The following WIPI2 variants were observed in gnomAD, a reference collection of about 807,000 sequenced individuals.
The protein encoded by WIPI2 is WD repeat domain, phosphoinositide interacting 2.
A neutral mutation model predicts 52.3 loss-of-function variants in WIPI2; 28 were observed. That is an observed-to-expected ratio of 0.54 (90% CI 0.40 to 0.73). The LOEUF is 0.73. Ranked by LOEUF, WIPI2 falls within the 30% of genes least tolerant of loss-of-function variation. WIPI2 has a pLI of 0.00. For missense variants in WIPI2, 506 were observed against 602.9 expected, an observed-to-expected ratio of 0.84 and a Z score of 1.68; for synonymous variants, 268 against 245.0, an observed-to-expected ratio of 1.09 and a Z score of -0.88.
chr7:5,226,063 A>T (rs181583478), intron 9 of WIPI2, 133 bp downstream of exon 9: 59 of 868,134 alleles, frequency 6.8e-5, no homozygotes, highest in Non-Finnish European at 9.6e-5. Flanking sequence ...GGAGCTGGCC[A>T]TGGAGCGAGC....
chr7:5,203,624 C>CATT (rs1562389195), intron 3 of WIPI2, among the ~76,000 whole-genome samples: 10 of 130,910 alleles, frequency 7.6e-5, no homozygotes, highest in African/African-American at 3.0e-4. Context: ...TTACGTTCAG[C>CATT]CTTTTTTTTT....
rs1783799105 is a variant in WIPI2 at position 5,232,970 on chromosome 7, A to G, written c.*2023A>G. On this transcript the variant is annotated 3_prime_UTR_variant, in exon 13 of 13. Coordinates refer to ENST00000288828, the MANE Select transcript of WIPI2 (RefSeq NM_015610.4). ...TCCTCGCTCAGCCTCGGCTTCCCGC[A>G]CTGTAAGATGAGGCAGTTGCAGAGG... 1 of 152,230 alleles carries G rather than the reference A, an allele frequency of 6.6e-6. No homozygotes were observed. The highest frequency in any genetic ancestry group is 2.1e-4 in the South Asian group (1 of 4,834). The allele number at this position is 152,230 out of a possible 1,614,324, so 9.4% of individuals were successfully genotyped here.
intron 1 of WIPI2, chr7:5,190,786 G>A (rs913044706): frequency 2.9e-5 from 8 of 279,924 alleles, no homozygotes; most frequent in East Asian, 1.2e-4. Context: ...ACTACTTCTC[G>A]CAAAGTTGGG....
intron 3 of WIPI2, among the ~76,000 whole-genome samples, chr7:5,207,116 T>A (rs1288870705): frequency 1.3e-5 from 2 of 152,198 alleles, no homozygotes; most frequent in Non-Finnish European, 2.9e-5. Context: ...ACGGCAGGCA[T>A]CAGTACATTT....
intron 3 of WIPI2, chr7:5,214,244 C>T (rs1782700541): frequency 1.9e-5 from 26 of 1,350,254 alleles, no homozygotes; most frequent in Non-Finnish European, 2.5e-5. Context: ...AGTTTGGTTC[C>T]TAAACTCACC....
chr7:5,227,074 G>A lies in WIPI2; in HGVS notation c.849-106G>A, dbSNP rs1046572658. 1.2e-5 allele frequency: 18 copies of A among 1,453,182 alleles called. No homozygotes were observed. The East Asian group carries it at 3.9e-4, about 31-fold the overall frequency. 90.0% of individuals were successfully genotyped at this position (1,453,182 alleles called of 1,614,324 possible). A position where few individuals can be genotyped will look rare whatever the true frequency, so the allele number is the denominator to read the frequency against. On this transcript the variant is annotated intron_variant, in intron 9 of 12. Coordinates refer to ENST00000288828, the MANE Select transcript of WIPI2 (RefSeq NM_015610.4). This position sits in a 1 kb window ranked among gnomAD's most constrained non-coding sequence, Gnocchi z 8.1. ...CCTGTTTAATTTTCCTGTGAAGAAT[G>A]GAGACTTTTGCTGTCGGCTCCAGAG...
At chr7:5,219,308 C>T (rs553973650) in intron 7 of WIPI2, among the ~76,000 whole-genome samples, 4 of 152,334 alleles carry the variant, frequency 2.6e-5, no homozygotes, top group Non-Finnish European at 5.9e-5. Flanking sequence ...ATCCCAATAG[C>T]ACCTTGTCCT....
intron 2 of WIPI2, 159 bp downstream of exon 2, chr7:5,193,330 C>G: frequency 6.9e-7 from 1 of 1,444,732 alleles, no homozygotes; most frequent in Non-Finnish European, 9.1e-7. Context: ...CCAGTGGATA[C>G]CACAGCTTGT....
At chr7:5,225,113 T>C (rs1206827256) in intron 8 of WIPI2, among the ~76,000 whole-genome samples, 2 of 152,072 alleles carry the variant, frequency 1.3e-5, no homozygotes, top group East Asian at 3.9e-4. Flanking sequence ...GGAGCCACTT[T>C]CCCTGTTGAA....
rs1336667949 is a variant in WIPI2, at chr7:5,231,080, T to A, written c.*133T>A. 3.4e-6 allele frequency: 2 copies of A among 586,344 alleles called. No homozygotes were observed. The highest frequency in any genetic ancestry group is 3.3e-5 in the East Asian group (1 of 30,704). 36.3% of individuals were successfully genotyped at this position (586,344 alleles called of 1,614,324 possible). Reference sequence around the variant, plus strand: ...AGACTTTATTAAAAAAAAAAAAAGATTGTAGTGGTAGTCTAACTCCATAAC... The same window carrying A: ...AGACTTTATTAAAAAAAAAAAAAGAATGTAGTGGTAGTCTAACTCCATAAC... On this transcript the variant is annotated 3_prime_UTR_variant, in exon 13 of 13. Coordinates refer to ENST00000288828, the MANE Select transcript of WIPI2 (RefSeq NM_015610.4).
At chr7:5,222,007 T>C (rs889860181) in intron 7 of WIPI2, among the ~76,000 whole-genome samples, 2 of 148,184 alleles carry the variant, frequency 1.3e-5, no homozygotes, top group Non-Finnish European at 3.0e-5. Context: ...TGGAGTGCAG[T>C]GGTGCAGTCT....
chr7:5,214,501 A>C (rs775925629), intron 3 of WIPI2, 34 bp from the exon 4 acceptor site: 2 of 1,614,128 alleles, frequency 1.2e-6, no homozygotes, highest in Admixed American at 3.3e-5. Flanking sequence ...CCATGTGGAG[A>C]TGTTCACGCA....
At chr7:5,206,402 G>C (rs920916473) in intron 3 of WIPI2, among the ~76,000 whole-genome samples, 2 of 152,202 alleles carry the variant, frequency 1.3e-5, no homozygotes, top group African/African-American at 4.8e-5. Flanking sequence ...GTTGGATTAG[G>C]TGTTGAGTAT....
chr7:5,196,968 C>T (rs1401577319), intron 2 of WIPI2, among the ~76,000 whole-genome samples: 5 of 151,610 alleles, frequency 3.3e-5, no homozygotes, highest in African/African-American at 9.7e-5. Flanking sequence ...AAAAATTAGC[C>T]GGGCGTGGTG....
At position 5,203,286 on chromosome 7, in the gene WIPI2, G is replaced by A. The variant is rs983510422; in HGVS notation, c.211+3628G>A. Among the ~76,000 whole-genome samples the A allele has an allele frequency of 9.9e-5, 15 of 152,274 alleles. No homozygotes were observed. In the South Asian group the frequency reaches 1.7e-3, roughly 17 times the overall value. On this transcript the variant is annotated intron_variant, in intron 3 of 12. Transcript: ENST00000288828. ...ATCCTACAGAGGAGAAACCACGAGC[G>A]TCCCTTGGCCTAAATCTGTGGTGCT...
intron 9 of WIPI2, chr7:5,226,228 C>T (rs1268449212): frequency 2.8e-6 from 1 of 353,456 alleles, no homozygotes; most frequent in Non-Finnish European, 5.3e-6. Flanking sequence ...CCTCAGGTTC[C>T]CCTCACGACA....
At chr7:5,190,526 G>A in intron 1 of WIPI2, 33 bp downstream of exon 1, 1 of 1,475,486 alleles carries the variant, frequency 6.8e-7, no homozygotes, top group Non-Finnish European at 9.0e-7. Context: ...GAGTCGGGGT[G>A]AGGCCAGGGT....
intron 4 of WIPI2, among the ~76,000 whole-genome samples, chr7:5,215,092 C>G (rs1417186174): frequency 6.6e-6 from 1 of 152,220 alleles, no homozygotes; most frequent in East Asian, 1.9e-4. Context: ...GGGCAGATTG[C>G]CTGAGGTCAG....
intron 3 of WIPI2, among the ~76,000 whole-genome samples, chr7:5,203,387 T>C (rs1381506478): frequency 1.3e-5 from 2 of 152,222 alleles, no homozygotes; most frequent in Non-Finnish European, 2.9e-5. Flanking sequence ...AGTTATTTCA[T>C]GGCCTCATTC....
Sources: allele counts gnomAD v4.1 joint callset (sites outside exome capture counted in the v4.1 genomes callset), GRCh38; gene constraint gnomAD v4.1.1; non-coding constraint Gnocchi (gnomAD v3.1); transcripts MANE v1.5; gene names NCBI Gene and HGNC (gene_info 2026-07-23, HGNC 2026-07-21).